The following LUZP2 variants were observed in gnomAD, a reference collection of about 807,000 sequenced individuals.
LUZP2 encodes the protein leucine zipper protein 2.
In LUZP2, 52 loss-of-function variants were observed where a neutral mutation model predicts 51.6. The observed-to-expected ratio is 1.01, with a 90% CI of 0.81 to 1.27. The LOEUF (loss-of-function observed/expected upper bound fraction) is 1.27, where lower values mean the gene tolerates loss of function less well. LUZP2 is among the 50% of genes most tolerant of loss of function. The pLI, the probability that LUZP2 is intolerant of heterozygous loss-of-function variation, is 0.00. For missense variants in LUZP2, 436 were observed against 395.4 expected (o/e 1.10, Z -0.87); for synonymous variants, 154 against 137.3 (o/e 1.12, Z -0.85).
intron 1 of LUZP2, among the ~76,000 whole-genome samples, chr11:24,602,073 CGTATATATGTGTATATAT>C (rs1853689551): frequency 1.2e-5 from 1 of 86,040 alleles, no homozygotes; most frequent in East Asian, 3.5e-4. Flanking sequence ...TATATATATG[CGTATATATGTGTATATAT>C]GTATATATGT....
At chr11:25,016,430 T>C (rs1340292628) in intron 9 of LUZP2, among the ~76,000 whole-genome samples, 1 of 152,080 alleles carries the variant, frequency 6.6e-6, no homozygotes, top group Non-Finnish European at 1.5e-5. Flanking sequence ...CTGGGTTACT[T>C]CACTTAGAGT....
intron 4 of LUZP2, among the ~76,000 whole-genome samples, chr11:24,757,708 T>G (rs1429396854): frequency 6.6e-6 from 1 of 151,666 alleles, no homozygotes; most frequent in African/African-American, 2.4e-5. Context: ...AAAAATTGAA[T>G]AAGAATAAAA....
At chr11:24,639,971 C>T (rs1209526540) in intron 1 of LUZP2, among the ~76,000 whole-genome samples, 2 of 151,824 alleles carry the variant, frequency 1.3e-5, no homozygotes, top group Non-Finnish European at 2.9e-5. Context: ...AATAGGTCTG[C>T]TTTTTGTTCT....
intron 6 of LUZP2, among the ~76,000 whole-genome samples, chr11:24,911,516 T>C (rs1853634456): frequency 6.6e-6 from 1 of 152,140 alleles, no homozygotes; most frequent in Non-Finnish European, 1.5e-5. Context: ...CAATGGTTTT[T>C]TAAGCATCTG....
intron 5 of LUZP2, among the ~76,000 whole-genome samples, chr11:24,835,856 A>C (rs2134189292): frequency 6.6e-6 from 1 of 152,094 alleles, no homozygotes; most frequent in South Asian, 2.1e-4. Flanking sequence ...GTTAATGTTT[A>C]TTTCTTTTAA....
Position 24,964,834 on chromosome 11 carries a change from C to T in LUZP2, c.523-11757C>T, listed in dbSNP as rs535621617. Among the ~76,000 whole-genome samples, 4 of 151,728 alleles carry T rather than the reference C, an allele frequency of 2.6e-5. No homozygotes were observed. The South Asian group carries it at 8.3e-4, about 32-fold the overall frequency. ...TATTTATTTACCTAGATAGTCAATC[C>T]AGGTTCATATATATCACTGAAATTT... On this transcript the variant is annotated intron_variant, in intron 7 of 11. Coordinates refer to ENST00000336930, the MANE Select transcript of LUZP2 (RefSeq NM_001009909.4).
chr11:24,710,230 G>A (rs185073481), intron 1 of LUZP2, among the ~76,000 whole-genome samples: 141 of 152,222 alleles, frequency 9.3e-4, no homozygotes, highest in South Asian at 6.8e-3. Flanking sequence ...TTCTAAAGGT[G>A]CCTCTGGAGT....
At chr11:24,791,699 A>G (rs913553887) in intron 5 of LUZP2, among the ~76,000 whole-genome samples, 2 of 152,158 alleles carry the variant, frequency 1.3e-5, no homozygotes, top group Non-Finnish European at 2.9e-5. Context: ...GATTATTTTG[A>G]ATAAATAACT....
At chr11:24,691,896 C>T (rs1857078032) in intron 1 of LUZP2, among the ~76,000 whole-genome samples, 1 of 151,794 alleles carries the variant, frequency 6.6e-6, no homozygotes. Flanking sequence ...CCAGCATTCA[C>T]AAGAATAAAG....
intron 4 of LUZP2, among the ~76,000 whole-genome samples, chr11:24,738,967 C>A (rs945160389): frequency 6.6e-6 from 1 of 151,934 alleles, no homozygotes; most frequent in Non-Finnish European, 1.5e-5. Flanking sequence ...AGGGATTGGA[C>A]CTTATATCTT....
At chr11:24,617,870 T>A (rs974742461) in intron 1 of LUZP2, among the ~76,000 whole-genome samples, 3 of 151,898 alleles carry the variant, frequency 2.0e-5, no homozygotes, top group Admixed American at 2.0e-4. Flanking sequence ...ATAAATAAAT[T>A]AAATAAAACA....
intron 9 of LUZP2, among the ~76,000 whole-genome samples, chr11:24,998,801 A>G (rs1438644760): frequency 6.6e-6 from 1 of 151,740 alleles, no homozygotes; most frequent in Non-Finnish European, 1.5e-5. Flanking sequence ...ATGATAAAAG[A>G]CTCACCTTTC....
intron 1 of LUZP2, among the ~76,000 whole-genome samples, chr11:24,708,665 C>T (rs1857698213): frequency 6.6e-6 from 1 of 152,088 alleles, no homozygotes; most frequent in African/African-American, 2.4e-5. Context: ...GTTCTTCACC[C>T]CCACAAGAGA....
chr11:25,032,927 G>A (rs1360510053), intron 9 of LUZP2, among the ~76,000 whole-genome samples: 1 of 152,098 alleles, frequency 6.6e-6, no homozygotes, highest in Non-Finnish European at 1.5e-5. Flanking sequence ...AATCAAGACA[G>A]CTATTCAACT....
chr11:24,546,076 C>T (rs531831378), intron 1 of LUZP2, among the ~76,000 whole-genome samples: 242 of 152,054 alleles, frequency 1.6e-3, no homozygotes, highest in African/African-American at 5.7e-3. Flanking sequence ...TGATTTGGCT[C>T]TTGGCTTGCC....
intron 1 of LUZP2, among the ~76,000 whole-genome samples, chr11:24,703,351 G>A (rs571811295): frequency 1.2e-4 from 18 of 152,246 alleles, no homozygotes; most frequent in African/African-American, 4.3e-4. Flanking sequence ...ACTTCTGAAG[G>A]TTATTTCAGA....
intron 1 of LUZP2, among the ~76,000 whole-genome samples, chr11:24,593,836 TA>T (rs781419050): frequency 1.4e-4 from 21 of 152,292 alleles, no homozygotes; most frequent in Non-Finnish European, 2.6e-4. Context: ...AGAGGAGAAC[TA>T]AAGTCCACCT....
chr11:24,876,164 C>A (rs11028241), intron 5 of LUZP2, among the ~76,000 whole-genome samples: 2 of 147,308 alleles, frequency 1.4e-5, no homozygotes, highest in Non-Finnish European at 3.0e-5. Flanking sequence ...AGACATGAAG[C>A]CCTTGCCCAT....
intron 5 of LUZP2, among the ~76,000 whole-genome samples, chr11:24,816,169 T>C (rs2631513): frequency 0.98 from 148,694 of 152,162 alleles, 72,761 homozygotes; most frequent in East Asian, 1. Flanking sequence ...CATGCCTGGC[T>C]TGCAGTAAGC....
Sources: allele counts gnomAD v4.1 joint callset (sites outside exome capture counted in the v4.1 genomes callset), GRCh38; gene constraint gnomAD v4.1.1; transcripts MANE v1.5; gene names NCBI Gene and HGNC (gene_info 2026-07-23, HGNC 2026-07-21).